GALNTL6: variants seen among roughly 807,000 people sequenced by gnomAD.
The protein encoded by GALNTL6 is polypeptide N-acetylgalactosaminyltransferase-like 6.
In GALNTL6, 46 loss-of-function variants were observed where a neutral mutation model predicts 73.7. The ratio of observed to expected loss-of-function variants is 0.62; its 90% confidence interval spans 0.49 to 0.80. The LOEUF is 0.80. GALNTL6 is among the 30% of genes least tolerant of loss of function. GALNTL6 has a pLI of 0.00. For missense variants in GALNTL6, 604 were observed against 755.0 expected (o/e 0.80, Z 2.34); for synonymous variants, 259 against 263.7 (o/e 0.98, Z 0.17).
chr4:172,164,426 T>TA (rs942844991), intron 2 of GALNTL6, among the ~76,000 whole-genome samples: 8 of 151,910 alleles, frequency 5.3e-5, no homozygotes, highest in Non-Finnish European at 8.8e-5. Context: ...ATGGATTTTT[T>TA]AAAAAAAGTG....
intron 5 of GALNTL6, among the ~76,000 whole-genome samples, chr4:172,794,275 A>T (rs964702940): frequency 2.0e-5 from 3 of 152,224 alleles, no homozygotes; most frequent in African/African-American, 7.2e-5. Context: ...AGTGAAAGGG[A>T]ACCATTACTC....
rs1434980006 is a variant in GALNTL6, at chr4:172,042,752, C to G, written c.139-186904C>G. 1.6e-4 allele frequency among the ~76,000 whole-genome samples: 24 copies of G among 148,848 alleles called. No homozygotes were observed. The Admixed American group carries it at 1.7e-3, about 10-fold the overall frequency. ...TCTCTCTCTTTCTTTCTGTCTTTCT[C>G]TGACTATTCTGATAGCCAACTCATG... On this transcript the variant is annotated intron_variant, in intron 2 of 12. Transcript: ENST00000506823.
In GALNTL6 at chr4:172,688,000, C is replaced by T. The variant is rs902271557; in HGVS notation, c.554-121361C>T. On this transcript the variant is annotated intron_variant, in intron 5 of 12. Transcript: ENST00000506823. Reference sequence around the variant, plus strand: ...TTTGGTATTTGATATTTAAAGTGAACGGCAAATGTGTTCCTAGGAATAGAA... The same window carrying T: ...TTTGGTATTTGATATTTAAAGTGAATGGCAAATGTGTTCCTAGGAATAGAA... Among the ~76,000 whole-genome samples the T allele has an allele frequency of 5.9e-5, 9 of 152,102 alleles. No homozygotes were observed. The South Asian group carries it at 6.2e-4, about 11-fold the overall frequency.
At chr4:172,258,122 T>G (rs922723665) in intron 3 of GALNTL6, among the ~76,000 whole-genome samples, 6 of 151,324 alleles carry the variant, frequency 4.0e-5, no homozygotes, top group Non-Finnish European at 5.9e-5. Context: ...GGGAATATAC[T>G]GGACAAAAAG....
chr4:172,579,090 T>C (rs1485146986), intron 5 of GALNTL6, among the ~76,000 whole-genome samples: 1 of 152,218 alleles, frequency 6.6e-6, no homozygotes, highest in Non-Finnish European at 1.5e-5. Context: ...TTAGGAAATA[T>C]AAGTTTTCTT....
chr4:172,206,875 T>C (rs962023059), intron 2 of GALNTL6, among the ~76,000 whole-genome samples: 3 of 135,810 alleles, frequency 2.2e-5, no homozygotes, highest in African/African-American at 8.2e-5. Flanking sequence ...TGGAGTGCAG[T>C]GGTGTGATCT....
At chr4:171,823,865 G>A (rs1734749814) in intron 2 of GALNTL6, among the ~76,000 whole-genome samples, 1 of 150,824 alleles carries the variant, frequency 6.6e-6, no homozygotes, top group African/African-American at 2.4e-5. Context: ...AGATGGGTGG[G>A]TGGTGGTACT....
intron 2 of GALNTL6, among the ~76,000 whole-genome samples, chr4:172,002,139 G>A (rs1478086118): frequency 1.3e-5 from 2 of 152,092 alleles, no homozygotes; most frequent in Non-Finnish European, 2.9e-5. Context: ...TCAACAGGTA[G>A]GCCTTATTAT....
chr4:171,922,955 A>T (rs565598319), intron 2 of GALNTL6, among the ~76,000 whole-genome samples: 4 of 152,228 alleles, frequency 2.6e-5, no homozygotes, highest in Non-Finnish European at 4.4e-5. Context: ...GTATTTACTT[A>T]CTCCAAAACC....
intron 9 of GALNTL6, among the ~76,000 whole-genome samples, chr4:172,939,164 C>T (rs2111341407): frequency 6.6e-6 from 1 of 152,074 alleles, no homozygotes. Flanking sequence ...GGTGTGGTGG[C>T]ATGTGCCTAT....
chr4:172,244,439 G>T (rs1185605252), intron 3 of GALNTL6, among the ~76,000 whole-genome samples: 1 of 152,066 alleles, frequency 6.6e-6, no homozygotes, highest in Non-Finnish European at 1.5e-5. Flanking sequence ...CTTTTAAACA[G>T]AATTCAATTT....
chr4:172,998,425 A>G (rs570729172), intron 10 of GALNTL6, among the ~76,000 whole-genome samples: 30 of 152,272 alleles, frequency 2.0e-4, no homozygotes, highest in African/African-American at 7.2e-4. Context: ...ATGTAATTCT[A>G]TTCTCAAATA....
intron 8 of GALNTL6, among the ~76,000 whole-genome samples, chr4:172,904,025 T>C (rs999427673): frequency 6.6e-6 from 1 of 152,198 alleles, no homozygotes; most frequent in Non-Finnish European, 1.5e-5. Context: ...TTTAACAACT[T>C]AATCCTTCCA....
At chr4:173,014,080 A>T (rs1396302365) in intron 11 of GALNTL6, among the ~76,000 whole-genome samples, 2 of 152,204 alleles carry the variant, frequency 1.3e-5, no homozygotes, top group Non-Finnish European at 2.9e-5. Flanking sequence ...AAAAAAGGAA[A>T]AAACAAAATT....
In GALNTL6 at chr4:172,546,433, T is replaced by G. The variant is rs145575049; in HGVS notation, c.553+197744T>G. ...CCAGACTCTACCACTATGCAATATATGCAAGAAATCTGCACTTATACCCTC... is the reference window on the plus strand; with the variant it reads ...CCAGACTCTACCACTATGCAATATAGGCAAGAAATCTGCACTTATACCCTC... On this transcript the variant is annotated intron_variant, in intron 5 of 12. Coordinates refer to ENST00000506823, the MANE Select transcript of GALNTL6 (RefSeq NM_001034845.3). Among the ~76,000 whole-genome samples the G allele has an allele frequency of 8.2e-4, 125 of 151,822 alleles. 2 individuals carry two copies. In the South Asian group the frequency reaches 0.017, roughly 21 times the overall value.
At chr4:172,735,285 G>A (rs1736395640) in intron 5 of GALNTL6, among the ~76,000 whole-genome samples, 1 of 152,208 alleles carries the variant, frequency 6.6e-6, no homozygotes, top group African/African-American at 2.4e-5. Flanking sequence ...GCAGCAGCGT[G>A]ACCTGGATGT....
chr4:172,346,980 TTTTC>T (rs1561038208), intron 4 of GALNTL6, among the ~76,000 whole-genome samples: 1 of 139,666 alleles, frequency 7.2e-6, no homozygotes, highest in South Asian at 2.1e-4. Context: ...TTTTCTTTTG[TTTTC>T]TTTCTTTTTT....
intron 5 of GALNTL6, among the ~76,000 whole-genome samples, chr4:172,784,882 C>T (rs1035346847): frequency 6.6e-6 from 1 of 152,120 alleles, no homozygotes; most frequent in African/African-American, 2.4e-5. Context: ...AAATGCCTAG[C>T]GCTTTCCTTT....
In GALNTL6 at chr4:172,487,786, G is replaced by T. The variant is rs140954182; in HGVS notation, c.553+139097G>T. 8.4e-3 allele frequency among the ~76,000 whole-genome samples: 1,276 copies of T among 152,192 alleles called. 11 individuals carry two copies. Among genetic ancestry groups the T allele is most frequent in the African/African-American group, 0.029 (1,207 of 41,506 alleles). On this transcript the variant is annotated intron_variant, in intron 5 of 12. Transcript: ENST00000506823. ...CAATATATTAGTAAATTGAAACAGAGAACCTATGTAACAAATATGATAAAT... is the reference window on the plus strand; with the variant it reads ...CAATATATTAGTAAATTGAAACAGATAACCTATGTAACAAATATGATAAAT...
Sources: gnomAD v4.1 joint callset for allele counts (sites outside exome capture counted in the v4.1 genomes callset) on GRCh38, gnomAD v4.1.1 for gene constraint, MANE v1.5 for transcripts, NCBI Gene and HGNC (gene_info 2026-07-23, HGNC 2026-07-21) for gene names.